KLHL35: variants seen among roughly 807,000 people sequenced by gnomAD.
The protein encoded by KLHL35 is kelch like family member 35, also known as kelch-like protein 35.
Under a neutral mutation model 44.0 loss-of-function variants are expected in KLHL35, and 50 were observed. The ratio of observed to expected loss-of-function variants is 1.14; its 90% CI spans 0.91 to 1.44. The LOEUF (loss-of-function observed/expected upper bound fraction) is 1.44. Ranked by LOEUF, KLHL35 falls within the 40% of genes most tolerant of loss-of-function variation. The pLI, the probability that KLHL35 is intolerant of heterozygous loss-of-function variation, is 0.00. For missense variants in KLHL35, 1,049 were observed against 887.8 expected, an observed-to-expected ratio of 1.18 and a Z score of -2.31; for synonymous variants, 470 against 410.4, an observed-to-expected ratio of 1.15 and a Z score of -1.76.
Position 75,429,982 on chromosome 11 carries a change from C to T in KLHL35, c.648G>A (p.Val216=). Residue 216 remains valine (V), a synonymous_variant, in exon 2 of 7, where the codon GTG becomes GTA. Coordinates refer to ENST00000539798, the MANE Select transcript of KLHL35 (RefSeq NM_001039548.3). The part of the protein sequence containing the change: ...PALGVAREEA[V]FEAAMRWVRH... ...GCACCCAGCGCATGGCCGCTTCAAA[C>T]ACGGCCTCCTCGCGCGCCACGCCCA... is the stretch of plus-strand genomic sequence containing the variant. The T allele has an allele frequency of 7.0e-7, 1 of 1,423,802 alleles. No individual in the cohort carries two copies. Among genetic ancestry groups the T allele is most frequent in the Non-Finnish European group, 9.1e-7 (1 of 1,094,554 alleles). 88.2% of individuals were successfully genotyped at this position (1,423,802 alleles called of 1,614,324 possible). A position where few individuals can be genotyped will look rare whatever the true frequency, so the allele number is the denominator to read the frequency against.
Position 75,422,675 on chromosome 11 carries a change from C to CA in KLHL35, c.1656dup (p.Asp553Ter), listed in dbSNP as rs1252510997. ...ACCTCCACCTGCCCACTGCTGGGGTCAAAGGTGAAGACCTTATCGGTGCTT... is the reference window on the plus strand; with the variant it reads ...ACCTCCACCTGCCCACTGCTGGGGTCAAAAGGTGAAGACCTTATCGGTGCTT... On this transcript the variant is annotated frameshift_variant, in exon 7 of 7. Transcript: ENST00000539798. LOFTEE classifies it high-confidence loss of function. The CA allele has an allele frequency of 6.2e-7, 1 of 1,613,912 alleles. No individual in the cohort carries two copies. The highest frequency in any genetic ancestry group is 2.2e-5 in the East Asian group (1 of 44,892).
chr11:75,427,794 T>C (rs1948503640), intron 3 of KLHL35, among the ~76,000 whole-genome samples: 1 of 152,186 alleles, frequency 6.6e-6, no homozygotes, highest in Admixed American at 6.5e-5. Context: ...CCTCCAACTT[T>C]CAAGGTCCAG....
intron 3 of KLHL35, 124 bp downstream of exon 3, chr11:75,428,318 A>G (rs1007486280): frequency 2.9e-5 from 33 of 1,150,784 alleles, no homozygotes; most frequent in African/African-American, 2.0e-4. Flanking sequence ...ACTTCAGCCA[A>G]TAACTGTAGG....
chr11:75,432,047 C>T (rs535884683), intron 1 of KLHL35, among the ~76,000 whole-genome samples: 75 of 152,326 alleles, frequency 4.9e-4, no homozygotes, highest in African/African-American at 1.8e-3. Context: ...TGAAGGCGCT[C>T]TGCAGACTGA....
Position 75,430,606 on chromosome 11 carries a change from C to T in KLHL35, c.24G>A (p.Glu8=). The change falls in exon 2 of 7, where the codon GAG becomes GAA. Residue 8 remains glutamate, a synonymous_variant. Coordinates refer to ENST00000539798, the MANE Select transcript of KLHL35 (RefSeq NM_001039548.3). The part of the protein sequence containing the change: MRQGHAP[E]ESEPGCEAPC... ...GCGCTTCGCAGCCCGGCTCCGACTC[C>T]TCCGGCGCATGGCCTTGCCGCATCC... is the stretch of plus-strand genomic sequence containing the variant. 1.4e-6 allele frequency: 2 copies of T among 1,411,904 alleles called. No homozygotes were observed. The highest frequency in any genetic ancestry group is 1.5e-5 in the African/African-American group (1 of 66,390). The allele number at this position is 1,411,904 out of a possible 1,614,324, so 87.5% of individuals were successfully genotyped here.
chr11:75,428,056 A>G (rs1948505127), intron 3 of KLHL35, among the ~76,000 whole-genome samples: 1 of 152,184 alleles, frequency 6.6e-6, no homozygotes, highest in Admixed American at 6.5e-5. Flanking sequence ...GCCATTTTTG[A>G]GACAATGGGG....
chr11:75,430,474 A>C lies in KLHL35; in HGVS notation c.156T>G (p.Phe52Leu). ...DVVLRAGGRD[F>L]PCHRAALSAG... The stretch of plus-strand genomic sequence containing the variant: ...CGCTGAGCGCCGCGCGGTGGCACGG[A>C]AAGTCGCGCCCGCCGGCGCGCAGCA... The change falls in exon 2 of 7, where the codon TTT (phenylalanine) becomes TTG (leucine). Residue 52 changes from phenylalanine (F) to leucine (L), a missense_variant. By Grantham distance (22) the Phe-to-Leu change is conservative (BLOSUM62 0). Coordinates refer to ENST00000539798, the MANE Select transcript of KLHL35 (RefSeq NM_001039548.3). 2.1e-6 allele frequency: 3 copies of C among 1,401,548 alleles called. No individual in the cohort carries two copies. Among genetic ancestry groups the C allele is most frequent in the Non-Finnish European group, 2.8e-6 (3 of 1,081,496 alleles). 86.8% of individuals were successfully genotyped at this position (1,401,548 alleles called of 1,614,324 possible).
In KLHL35 at chr11:75,432,648, T is replaced by C. The variant is rs116264684; in HGVS notation, c.-2+395A>G. Among the ~76,000 whole-genome samples, 495 of 152,252 alleles carry C rather than the reference T, an allele frequency of 3.3e-3. 2 individuals carry two copies. The highest frequency in any genetic ancestry group is 0.011 in the African/African-American group (467 of 41,558). ...AGAAAGAGTCCCCTCCTAGGAAGTG[T>C]GTCAGTACTTTTTCATTTTACTGTC... On this transcript the variant is annotated intron_variant, in intron 1 of 6. Transcript: ENST00000539798.
rs373575264 is a variant in KLHL35, at chr11:75,425,547, C to T, written c.1220G>A (p.Arg407His). ...FAVGGFDGLR[R>H]LHSVERYDPF... The stretch of plus-strand genomic sequence containing the variant: ...GTCGTAGCGCTCCACGCTGTGCAGG[C>T]GCCTCAGGCCGTCGAAGCCACCCAC... Residue 407 changes from arginine to histidine, a missense_variant, in exon 5 of 7, where the codon CGC becomes CAC. Arg to His is a conservative substitution (Grantham distance 29). Coordinates refer to ENST00000539798, the MANE Select transcript of KLHL35 (RefSeq NM_001039548.3). 96 of 1,496,166 alleles carry T rather than the reference C, an allele frequency of 6.4e-5. 1 individual carries two copies. Among genetic ancestry groups the T allele is most frequent in the African/African-American group, 1.9e-4 (13 of 68,060 alleles). The allele number at this position is 1,496,166 out of a possible 1,614,324, so 92.7% of individuals were successfully genotyped here. A position where few individuals can be genotyped will look rare whatever the true frequency, so the allele number is the denominator to read the frequency against.
rs746366162 is a variant in KLHL35, at chr11:75,428,600, A to G, written c.908T>C (p.Val303Ala). The G allele has an allele frequency of 1.2e-6, 2 of 1,603,610 alleles. No individual in the cohort carries two copies. Among genetic ancestry groups the G allele is most frequent in the African/African-American group, 2.7e-5 (2 of 74,866 alleles). Residue 303 changes from valine (V) to alanine (A), a missense_variant, in exon 3 of 7, where the codon GTG becomes GCG. By Grantham distance (64) the Val-to-Ala change is moderately conservative. Transcript: ENST00000539798. ...RRFMDLAEVI[V>A]VIGGCDRKGL... ...TTTGCGGTCGCAACCGCCGATGACC[A>G]CGATCACTTCAGCTAGGTCCATGAA...
intron 6 of KLHL35, chr11:75,423,040 C>T (rs994201559): frequency 8.4e-6 from 4 of 475,792 alleles, no homozygotes; most frequent in African/African-American, 7.7e-5. Context: ...ACAGGGTTCC[C>T]TTAACAGTTA....
chr11:75,429,732 G>T lies in KLHL35; in HGVS notation c.881+17C>A. Reference sequence around the variant, plus strand: ...GGGAAGAACGGAGGGCGGGAAGCTAGGGGATGGCGGCCCTACCTCCGCGGC... The same window carrying T: ...GGGAAGAACGGAGGGCGGGAAGCTATGGGATGGCGGCCCTACCTCCGCGGC... On this transcript the variant is annotated intron_variant, in intron 2 of 6. Coordinates refer to ENST00000539798, the MANE Select transcript of KLHL35 (RefSeq NM_001039548.3). The T allele has an allele frequency of 1.4e-6, 2 of 1,441,510 alleles. No homozygotes were observed. The highest frequency in any genetic ancestry group is 4.9e-4 in the Middle Eastern group (2 of 4,082). The allele number at this position is 1,441,510 out of a possible 1,614,324, so 89.3% of individuals were successfully genotyped here.
intron 1 of KLHL35, among the ~76,000 whole-genome samples, chr11:75,431,265 G>A (rs1267625515): frequency 6.6e-6 from 1 of 152,222 alleles, no homozygotes; most frequent in Non-Finnish European, 1.5e-5. Flanking sequence ...ACCACACCCT[G>A]AGCACTCCCC....
At chr11:75,430,720 T>C in intron 1 of KLHL35, 90 bp from the exon 2 acceptor site, 1 of 1,105,866 alleles carries the variant, frequency 9.0e-7, no homozygotes. Context: ...TTTCCTCTCT[T>C]GACCATTTGT....
In KLHL35 at chr11:75,425,574, G is replaced by T; in HGVS notation, c.1193C>A (p.Ala398Glu). ...KMAVVQGQLF[A>E]VGGFDGLRRL... is the part of the protein sequence containing the mutation. ...CCTCAGGCCGTCGAAGCCACCCACC[G>T]CGAACAGCTGCAAGTGAGGACATGG... The change falls in exon 5 of 7, where the codon GCG becomes GAG. Residue 398 changes from alanine to glutamate, a missense_variant. Transcript: ENST00000539798. The T allele has an allele frequency of 2.0e-6, 3 of 1,478,240 alleles. No individual in the cohort carries two copies. Among genetic ancestry groups the T allele is most frequent in the Non-Finnish European group, 1.8e-6 (2 of 1,121,366 alleles). The allele number at this position is 1,478,240 out of a possible 1,614,324, so 91.6% of individuals were successfully genotyped here. A position where few individuals can be genotyped will look rare whatever the true frequency, so the allele number is the denominator to read the frequency against.
At chr11:75,426,883 C>T (rs1050616622) in intron 3 of KLHL35, 5 of 373,282 alleles carry the variant, frequency 1.3e-5, no homozygotes, top group Non-Finnish European at 2.5e-5. Flanking sequence ...GGCTGGTTTT[C>T]GCCGGGCACC....
At chr11:75,425,944 C>A (rs1236618450) in intron 4 of KLHL35, 2 of 220,500 alleles carry the variant, frequency 9.1e-6, no homozygotes, top group Non-Finnish European at 1.8e-5. Flanking sequence ...ATGTAGCTTA[C>A]AAAGATAATT....
Position 75,429,930 on chromosome 11 carries a change from G to T in KLHL35, c.700C>A (p.Gln234Lys). ...ACGTGCTCCAGCAGGCGTCGCAGCT[G>T]GCCGCGGCGGGCCGGCGCGTCGTGG... ...VRHDAPARRGQLRRLLEHVRL... is the reference protein window; with the variant it reads ...VRHDAPARRGKLRRLLEHVRL... Residue 234 changes from glutamine to lysine, a missense_variant, in exon 2 of 7, where the codon CAG becomes AAG. Transcript: ENST00000539798. 6.8e-7 allele frequency: 1 copy of T among 1,462,860 alleles called. No individual in the cohort carries two copies. The highest frequency in any genetic ancestry group is 9.0e-7 in the Non-Finnish European group (1 of 1,116,974). The allele number at this position is 1,462,860 out of a possible 1,614,324, so 90.6% of individuals were successfully genotyped here. A position where few individuals can be genotyped will look rare whatever the true frequency, so the allele number is the denominator to read the frequency against.
At chr11:75,423,154 G>A in intron 6 of KLHL35, 1 of 215,058 alleles carries the variant, frequency 4.6e-6, no homozygotes, top group East Asian at 1.1e-4. Context: ...TCAGACTCAA[G>A]CCAGAAATCT....
Sources: gnomAD v4.1 joint callset for allele counts (sites outside exome capture counted in the v4.1 genomes callset) on GRCh38, gnomAD v4.1.1 for gene constraint, MANE v1.5 for transcripts, NCBI Gene and HGNC (gene_info 2026-07-23, HGNC 2026-07-21) for gene names.